Variants in SYCP1 observed in about 807,000 individuals in gnomAD.
SYCP1 encodes cancer/testis antigen 8.
In SYCP1, 64 loss-of-function variants were observed where a neutral mutation model predicts 153.1. That is an observed-to-expected ratio of 0.42 (90% CI 0.34 to 0.51). The LOEUF is 0.51. SYCP1 is among the 20% of genes least tolerant of loss of function. The pLI, the probability that SYCP1 is intolerant of heterozygous loss-of-function variation, is 0.06. For missense variants in SYCP1, 997 were observed against 1,049.0 expected, an observed-to-expected ratio of 0.95 and a Z score of 0.68; for synonymous variants, 384 against 341.8, an observed-to-expected ratio of 1.12 and a Z score of -1.36.
At chr1:114,989,800 G>T (rs1302925622) in intron 30 of SYCP1, among the ~76,000 whole-genome samples, 1 of 151,926 alleles carries the variant, frequency 6.6e-6, no homozygotes, top group Non-Finnish European at 1.5e-5. Flanking sequence ...ATAGCAAGAA[G>T]ATATGACAAT....
chr1:114,942,628 T>C (rs11804090), intron 23 of SYCP1, among the ~76,000 whole-genome samples: 4,761 of 151,898 alleles, frequency 0.031, 125 homozygotes, highest in Non-Finnish European at 0.042. Flanking sequence ...CATTTGACTA[T>C]CTATATGGAA....
rs548740399 is a variant in SYCP1 at position 114,855,429 on chromosome 1, C to G, written c.-24-12C>G. On this transcript the variant is annotated splice_polypyrimidine_tract_variant and intron_variant, in intron 1 of 31. Transcript: ENST00000369522. ...AAACTTTCCTTCCCCTCCCGCCCCC[C>G]CGGGGCAGTAGATATTTACAACCGT... 6.9e-5 allele frequency: 108 copies of G among 1,562,078 alleles called. No individual in the cohort carries two copies. In the South Asian group the frequency reaches 9.0e-4, roughly 13 times the overall value.
chr1:114,854,801 T>C (rs1420679827), upstream of SYCP1: 1 of 152,172 alleles, frequency 6.6e-6, no homozygotes, highest in Non-Finnish European at 1.5e-5. Flanking sequence ...GAGATTCAGG[T>C]CCTGGGAGCC....
chr1:114,962,204 C>G, intron 27 of SYCP1, among the ~76,000 whole-genome samples: 1 of 151,902 alleles, frequency 6.6e-6, no homozygotes, highest in East Asian at 1.9e-4. Context: ...AGGCTGGTCT[C>G]GAACTCCTGA....
rs186138473 is a variant in SYCP1, at chr1:114,961,698, G to A, written c.2322+14378G>A. Among the ~76,000 whole-genome samples, 822 of 152,314 alleles carry A rather than the reference G, an allele frequency of 5.4e-3. 2 individuals are homozygous for A. Among genetic ancestry groups the A allele is most frequent in the Non-Finnish European group, 8.7e-3 (590 of 68,028 alleles). On this transcript the variant is annotated intron_variant, in intron 27 of 31. Transcript: ENST00000369522. ...TTCCAATTTTATTCCACTGTGGTCT[G>A]AGAGAGTACTTGATATAATTTCGAT...
intron 8 of SYCP1, among the ~76,000 whole-genome samples, chr1:114,868,471 T>A (rs200195274): frequency 6.6e-6 from 1 of 152,308 alleles, no homozygotes; most frequent in East Asian, 1.9e-4. Context: ...TTGGATTTGA[T>A]TTGCTAATGT....
At chr1:114,863,957 C>T (rs1664551381) in intron 8 of SYCP1, among the ~76,000 whole-genome samples, 1 of 148,786 alleles carries the variant, frequency 6.7e-6, no homozygotes, top group African/African-American at 2.5e-5. Context: ...GAACATCACA[C>T]ACCCGGGCCT....
chr1:114,946,200 C>A, intron 25 of SYCP1, 89 bp from the exon 26 acceptor site: 1 of 464,110 alleles, frequency 2.2e-6, no homozygotes, highest in Non-Finnish European at 3.3e-6. Context: ...TAATTAAATA[C>A]TAAATTAAAT....
chr1:114,963,749 A>T (rs1342895770), intron 27 of SYCP1, among the ~76,000 whole-genome samples: 1 of 152,194 alleles, frequency 6.6e-6, no homozygotes, highest in African/African-American at 2.4e-5. Flanking sequence ...TATATGTGCC[A>T]CATTTTCTTT....
chr1:114,862,203 A>G (rs1214761125), intron 8 of SYCP1, among the ~76,000 whole-genome samples: 1 of 152,066 alleles, frequency 6.6e-6, no homozygotes, highest in South Asian at 2.1e-4. Context: ...ACTATATCCT[A>G]TGTACTCAAC....
At chr1:114,905,128 T>C (rs360654) in intron 16 of SYCP1, among the ~76,000 whole-genome samples, 53,866 of 152,040 alleles carry the variant, frequency 0.35, 10,562 homozygotes, top group East Asian at 0.5. Flanking sequence ...ATAAGAGATA[T>C]TGGTCTGTAG....
intron 28 of SYCP1, among the ~76,000 whole-genome samples, chr1:114,980,973 C>T (rs960173327): frequency 1.3e-5 from 2 of 151,796 alleles, no homozygotes; most frequent in Non-Finnish European, 2.9e-5. Flanking sequence ...TTTGTTGTCT[C>T]CCTCTATGTG....
At chr1:114,915,304 G>A (rs1266235685) in intron 20 of SYCP1, among the ~76,000 whole-genome samples, 10 of 152,134 alleles carry the variant, frequency 6.6e-5, no homozygotes, top group Non-Finnish European at 1.2e-4. Context: ...TATAAGACAA[G>A]TACTAGACAG....
chr1:114,920,202 C>G (rs1668776064), intron 20 of SYCP1, among the ~76,000 whole-genome samples: 1 of 151,930 alleles, frequency 6.6e-6, no homozygotes, highest in Non-Finnish European at 1.5e-5. Context: ...TGTTTCAAGA[C>G]ATTTTTCAGT....
intron 5 of SYCP1, 23 bp from the exon 6 acceptor site, chr1:114,858,524 T>C (rs1279766966): frequency 1.9e-6 from 3 of 1,541,748 alleles, no homozygotes; most frequent in Non-Finnish European, 1.7e-6. Context: ...GGACAATTAA[T>C]TTTTGAAAAC....
At chr1:114,954,164 CAAACT>C (rs1671282811) in intron 27 of SYCP1, among the ~76,000 whole-genome samples, 1 of 152,156 alleles carries the variant, frequency 6.6e-6, no homozygotes, top group South Asian at 2.1e-4. Context: ...AAGATTCAAT[CAAACT>C]AATTAACATG....
At chr1:114,882,213 CA>C (rs1232235400) in intron 12 of SYCP1, among the ~76,000 whole-genome samples, 20 of 151,594 alleles carry the variant, frequency 1.3e-4, no homozygotes, top group South Asian at 2.1e-4. Context: ...AACAAACAAA[CA>C]AACCAAACAA....
intron 24 of SYCP1, 64 bp downstream of exon 24, chr1:114,944,519 T>C: frequency 1.0e-6 from 1 of 1,002,902 alleles, no homozygotes; most frequent in Non-Finnish European, 1.4e-6. Context: ...ATTAGGATTT[T>C]AAGAGGAAAG....
In SYCP1 at chr1:114,885,581, T is replaced by C. The variant is rs1199561145; in HGVS notation, c.957T>C (p.His319=). 3.2e-6 allele frequency: 5 copies of C among 1,585,038 alleles called. No individual in the cohort carries two copies. Among genetic ancestry groups the C allele is most frequent in the Non-Finnish European group, 4.3e-6 (5 of 1,165,742 alleles). The change falls in exon 13 of 32, where the codon CAT becomes CAC. Residue 319 remains histidine (H), a synonymous_variant. Transcript: ENST00000369522. ...AACAATCAATTGAGAAACAGCATCATTTGACTAAAGAACTAGAAGATATTA... is the reference window on the plus strand; with the variant it reads ...AACAATCAATTGAGAAACAGCATCACTTGACTAAAGAACTAGAAGATATTA... ...NLKQSIEKQH[H]LTKELEDIKV... is the part of the protein sequence containing the mutation.
Sources: gnomAD v4.1 joint callset for allele counts (sites outside exome capture counted in the v4.1 genomes callset) on GRCh38, gnomAD v4.1.1 for gene constraint, MANE v1.5 for transcripts, NCBI Gene and HGNC (gene_info 2026-07-23, HGNC 2026-07-21) for gene names.